Variants in PIGK observed in about 807,000 individuals in gnomAD.
PIGK encodes phosphatidylinositol glycan anchor biosynthesis class K.
A neutral mutation model predicts 50.6 loss-of-function variants in PIGK; 42 were observed. The observed-to-expected ratio is 0.83, with a 90% CI of 0.65 to 1.07. The LOEUF (loss-of-function observed/expected upper bound fraction) is 1.07. Ranked by LOEUF, PIGK falls within the 50% of genes least tolerant of loss-of-function variation. The probability of loss-of-function intolerance (pLI) is 0.00; values close to 1 mark genes in which losing one functional copy is unlikely to be tolerated. For synonymous variants in PIGK, 151 were observed against 156.0 expected (o/e 0.97, Z 0.24); for missense variants, 448 against 488.7 (o/e 0.92, Z 0.78).
At chr1:77,123,710 G>A (rs1654157776) in intron 9 of PIGK, among the ~76,000 whole-genome samples, 1 of 152,062 alleles carries the variant, frequency 6.6e-6, no homozygotes, top group African/African-American at 2.4e-5. Flanking sequence ...GAGATGGATG[G>A]GGGGATGATA....
rs551969013 is a variant in PIGK at position 77,110,569 on chromosome 1, G to A, written c.1071+11706C>T. On this transcript the variant is annotated intron_variant, in intron 10 of 10. Coordinates refer to ENST00000370812, the MANE Select transcript of PIGK (RefSeq NM_005482.3). ...ACTGGCTAGCCATATGTAGAAAGCT[G>A]AAACTGGATCCCTTCCTTACACCTT... Among the ~76,000 whole-genome samples, 820 of 152,262 alleles carry A rather than the reference G, an allele frequency of 5.4e-3. 5 individuals carry two copies. Among genetic ancestry groups the A allele is most frequent in the African/African-American group, 0.019 (777 of 41,540 alleles).
At position 77,166,738 on chromosome 1, in the gene PIGK, A is replaced by G; in HGVS notation, c.468T>C (p.Asn156=). ...SKRLLSDDRS[N]ILIYMTGHGG... ...AATTACCTGTCATATAAATTAGAAT[A>G]TTGCTTCTGTCATCAGAAAGAAGAC... is the stretch of plus-strand genomic sequence containing the variant. Residue 156 remains asparagine (N), a synonymous_variant, in exon 5 of 11, where the codon AAT becomes AAC. Transcript: ENST00000370812. The G allele has an allele frequency of 6.5e-7, 1 of 1,548,960 alleles. No individual in the cohort carries two copies. The highest frequency in any genetic ancestry group is 8.9e-7 in the Non-Finnish European group (1 of 1,127,590).
chr1:77,093,362 G>T (rs991577532), intron 10 of PIGK, among the ~76,000 whole-genome samples: 38 of 152,084 alleles, frequency 2.5e-4, no homozygotes, highest in African/African-American at 9.2e-4. Flanking sequence ...CTACATTACA[G>T]CCTTGTAATT....
intron 9 of PIGK, among the ~76,000 whole-genome samples, chr1:77,147,004 C>T (rs1227056671): frequency 6.8e-6 from 1 of 146,772 alleles, no homozygotes; most frequent in African/African-American, 2.5e-5. Context: ...AGGGGAGGTG[C>T]ATTAGTCTGT....
At chr1:77,142,122 G>T (rs956150022) in intron 9 of PIGK, among the ~76,000 whole-genome samples, 7 of 152,142 alleles carry the variant, frequency 4.6e-5, no homozygotes, top group Admixed American at 4.6e-4. Context: ...AAATTGAGTT[G>T]TTTTTTGTTT....
At chr1:77,185,007 T>C in intron 3 of PIGK, among the ~76,000 whole-genome samples, 1 of 152,188 alleles carries the variant, frequency 6.6e-6, no homozygotes, top group Non-Finnish European at 1.5e-5. Flanking sequence ...TCTTGGAGAA[T>C]GACAGCAGAT....
chr1:77,201,891 T>A (rs1656176011), intron 3 of PIGK, among the ~76,000 whole-genome samples: 1 of 151,774 alleles, frequency 6.6e-6, no homozygotes, highest in African/African-American at 2.4e-5. Context: ...ACATCAACTC[T>A]ACAAAAAAAT....
At chr1:77,204,990 A>G (rs565338511) in intron 3 of PIGK, among the ~76,000 whole-genome samples, 17 of 152,310 alleles carry the variant, frequency 1.1e-4, no homozygotes, top group Non-Finnish European at 2.4e-4. Flanking sequence ...TAGATAAGCA[A>G]TTATTTGAAA....
intron 10 of PIGK, among the ~76,000 whole-genome samples, chr1:77,110,091 C>T (rs1653801016): frequency 6.6e-6 from 1 of 152,164 alleles, no homozygotes; most frequent in South Asian, 2.1e-4. Flanking sequence ...CTACAAACCA[C>T]TGCTCAAAGA....
chr1:77,092,447 A>C lies in PIGK; in HGVS notation c.1115T>G (p.Leu372Arg). 1 of 1,606,976 alleles carries C rather than the reference A, an allele frequency of 6.2e-7. No homozygotes were observed. The highest frequency in any genetic ancestry group is 8.5e-7 in the Non-Finnish European group (1 of 1,176,224). ...KDWHPPGGFI[L>R]GLWALIIMVF... ...CATGATAATAAGTGCCCATAATCCC[A>C]GAATAAAGCCCCCAGGAGGATGCCA... The change falls in exon 11 of 11, where the codon CTG becomes CGG. Residue 372 changes from leucine to arginine, a missense_variant. Transcript: ENST00000370812.
chr1:77,195,526 A>C, intron 3 of PIGK: 1 of 504,952 alleles, frequency 2.0e-6, no homozygotes, highest in Admixed American at 3.2e-5. Flanking sequence ...TTCAAGAATA[A>C]GGCCTTACAG....
intron 9 of PIGK, among the ~76,000 whole-genome samples, chr1:77,152,362 A>C (rs953588967): frequency 6.6e-6 from 1 of 152,162 alleles, no homozygotes; most frequent in Non-Finnish European, 1.5e-5. Flanking sequence ...AAATGGATTA[A>C]AGACTTAAAT....
At chr1:77,128,635 G>A (rs931101608) in intron 9 of PIGK, among the ~76,000 whole-genome samples, 2 of 152,114 alleles carry the variant, frequency 1.3e-5, no homozygotes, top group African/African-American at 4.8e-5. Context: ...AGAGTTCTGG[G>A]GGATGTCAGA....
intron 9 of PIGK, among the ~76,000 whole-genome samples, chr1:77,124,583 T>G: frequency 6.7e-6 from 1 of 150,040 alleles, no homozygotes; most frequent in African/African-American, 2.5e-5. Flanking sequence ...CACTCCAGCC[T>G]GGGAGACAGA....
intron 1 of PIGK, 91 bp downstream of exon 1, chr1:77,219,219 A>G (rs1001686209): frequency 2.7e-5 from 28 of 1,049,584 alleles, no homozygotes; most frequent in Non-Finnish European, 3.8e-5. Context: ...GATTGACTCC[A>G]GGAGGCGTCC....
chr1:77,165,275 C>A (rs1655210192), intron 5 of PIGK, among the ~76,000 whole-genome samples: 1 of 152,042 alleles, frequency 6.6e-6, no homozygotes, highest in Non-Finnish European at 1.5e-5. Flanking sequence ...CTACAAAAAA[C>A]TGCACTTCAT....
chr1:77,117,644 T>C (rs919020054), intron 10 of PIGK, among the ~76,000 whole-genome samples: 8 of 152,238 alleles, frequency 5.3e-5, no homozygotes, highest in Non-Finnish European at 1.0e-4. Context: ...TCCTGTGTGA[T>C]GGAAGTTAGG....
chr1:77,099,019 G>A (rs944496312), intron 10 of PIGK, among the ~76,000 whole-genome samples: 1 of 152,016 alleles, frequency 6.6e-6, no homozygotes, highest in African/African-American at 2.4e-5. Context: ...CCTAGGATTT[G>A]TAACACTTCT....
At chr1:77,167,361 A>AAAACTAC (rs1655259036) in intron 4 of PIGK, among the ~76,000 whole-genome samples, 1 of 152,190 alleles carries the variant, frequency 6.6e-6, no homozygotes, top group Admixed American at 6.5e-5. Context: ...CAAGCAAAGT[A>AAAACTAC]AAACTACCTT....
Sources: allele counts gnomAD v4.1 joint callset (sites outside exome capture counted in the v4.1 genomes callset), GRCh38; gene constraint gnomAD v4.1.1; transcripts MANE v1.5; gene names NCBI Gene and HGNC (gene_info 2026-07-23, HGNC 2026-07-21).